C8orf34: variants seen among roughly 807,000 people sequenced by gnomAD.
C8orf34 encodes the protein chromosome 8 open reading frame 34, also known as uncharacterized protein C8orf34.
C8orf34 carries 65 observed loss-of-function variants against 68.3 expected under a neutral mutation model. That is an observed-to-expected ratio of 0.95 (90% CI 0.78 to 1.17). The LOEUF (loss-of-function observed/expected upper bound fraction) is 1.17, where lower values mean the gene tolerates loss of function less well. Among genes scored for constraint, C8orf34 ranks in the 50% most tolerant of loss-of-function variants. The pLI is 0.00. For synonymous variants in C8orf34, 244 were observed against 241.2 expected (o/e 1.01, Z -0.11); for missense variants, 664 against 655.4 (o/e 1.01, Z -0.14).
intron 5 of C8orf34, among the ~76,000 whole-genome samples, chr8:68,492,431 G>C (rs541491082): frequency 6.6e-6 from 1 of 151,774 alleles, no homozygotes; most frequent in Admixed American, 6.6e-5. Context: ...GTCTTACTAT[G>C]TTGCTCAAGC....
chr8:68,352,798 C>T (rs749852939), intron 1 of C8orf34, among the ~76,000 whole-genome samples: 5 of 152,008 alleles, frequency 3.3e-5, no homozygotes, highest in African/African-American at 4.8e-5. Flanking sequence ...AAAACATTTA[C>T]AAGGACATTA....
At chr8:68,371,007 A>G (rs1807536624) in intron 1 of C8orf34, among the ~76,000 whole-genome samples, 1 of 152,034 alleles carries the variant, frequency 6.6e-6, no homozygotes, top group African/African-American at 2.4e-5. Flanking sequence ...GTCTTAAGGG[A>G]AAGAGGTATC....
chr8:68,731,725 A>G (rs1280048300), intron 10 of C8orf34, among the ~76,000 whole-genome samples: 1 of 152,262 alleles, frequency 6.6e-6, no homozygotes, highest in Non-Finnish European at 1.5e-5. Context: ...GCATTATTGC[A>G]GCCTTATCTG....
chr8:68,599,736 A>T (rs1817644556), intron 7 of C8orf34, among the ~76,000 whole-genome samples: 1 of 152,074 alleles, frequency 6.6e-6, no homozygotes, highest in South Asian at 2.1e-4. Flanking sequence ...GAAAACAAAG[A>T]TTTATTAGAG....
At chr8:68,520,715 G>A (rs1242922234) in intron 5 of C8orf34, among the ~76,000 whole-genome samples, 2 of 151,220 alleles carry the variant, frequency 1.3e-5, no homozygotes, top group Non-Finnish European at 2.9e-5. Context: ...TGCACACCTC[G>A]GCCTCCCAAA....
At chr8:68,438,580 T>C (rs897501411) in intron 1 of C8orf34, 2 of 152,082 alleles carry the variant, frequency 1.3e-5, no homozygotes, top group African/African-American at 2.4e-5. Flanking sequence ...AAAACAGCAA[T>C]GAACAGACTA....
intron 1 of C8orf34, among the ~76,000 whole-genome samples, chr8:68,382,961 CAG>C (rs1808107090): frequency 6.6e-6 from 1 of 152,154 alleles, no homozygotes; most frequent in East Asian, 1.9e-4. Context: ...GTTCCTCAGA[CAG>C]GAGCTAGAAA....
chr8:68,406,614 G>A (rs1424549507), intron 1 of C8orf34, among the ~76,000 whole-genome samples: 1 of 151,984 alleles, frequency 6.6e-6, no homozygotes, highest in African/African-American at 2.4e-5. Flanking sequence ...TCGGGCCCCA[G>A]CCTTTCAAGT....
At chr8:68,788,943 C>G (rs922918410) in intron 12 of C8orf34, among the ~76,000 whole-genome samples, 1 of 151,930 alleles carries the variant, frequency 6.6e-6, no homozygotes, top group African/African-American at 2.4e-5. Context: ...TTTTGGAAGT[C>G]CCTTAATGCA....
chr8:68,613,420 T>C (rs1239937683), intron 7 of C8orf34, among the ~76,000 whole-genome samples: 1 of 151,098 alleles, frequency 6.6e-6, no homozygotes, highest in Non-Finnish European at 1.5e-5. Flanking sequence ...ATTAGGTATA[T>C]CTCCCAATTC....
intron 2 of C8orf34, among the ~76,000 whole-genome samples, chr8:68,443,132 A>G: frequency 6.6e-6 from 1 of 152,142 alleles, no homozygotes; most frequent in Non-Finnish European, 1.5e-5. Context: ...GAAGCTGCAG[A>G]GGAGGGAACG....
intron 7 of C8orf34, among the ~76,000 whole-genome samples, chr8:68,548,102 T>C (rs7826286): frequency 0.11 from 16,443 of 151,432 alleles, 1,331 homozygotes; most frequent in African/African-American, 0.22. Flanking sequence ...CCAGAGAAAA[T>C]GTATAATATA....
At chr8:68,397,751 T>G (rs1808778408) in intron 1 of C8orf34, among the ~76,000 whole-genome samples, 1 of 152,108 alleles carries the variant, frequency 6.6e-6, no homozygotes, top group South Asian at 2.1e-4. Context: ...CCTTTTGTCC[T>G]GTGAACTGAC....
At chr8:68,673,910 C>T (rs559107856) in intron 8 of C8orf34, among the ~76,000 whole-genome samples, 1 of 152,280 alleles carries the variant, frequency 6.6e-6, no homozygotes, top group African/African-American at 2.4e-5. Flanking sequence ...TACTCCTCCC[C>T]CAGCTCCAGG....
chr8:68,484,413 T>C (rs879541218), intron 4 of C8orf34, among the ~76,000 whole-genome samples: 7 of 152,204 alleles, frequency 4.6e-5, no homozygotes, highest in Admixed American at 2.0e-4. Context: ...CTTTAAGCTC[T>C]AGTTTGACTT....
At chr8:68,556,688 T>G (rs1373532126) in intron 7 of C8orf34, among the ~76,000 whole-genome samples, 3 of 152,132 alleles carry the variant, frequency 2.0e-5, no homozygotes, top group Non-Finnish European at 4.4e-5. Context: ...CCTCGGCCGA[T>G]GTACTCCCTG....
At chr8:68,602,482 A>G (rs1817727819) in intron 7 of C8orf34, among the ~76,000 whole-genome samples, 1 of 152,090 alleles carries the variant, frequency 6.6e-6, no homozygotes, top group Non-Finnish European at 1.5e-5. Flanking sequence ...AGCCCCTTAT[A>G]AAACCATCAG....
chr8:68,552,460 T>C (rs566243667), intron 7 of C8orf34, among the ~76,000 whole-genome samples: 2 of 152,306 alleles, frequency 1.3e-5, no homozygotes, highest in South Asian at 4.1e-4. Flanking sequence ...GTCAATGAAG[T>C]TGTTTCTTAA....
At chr8:68,523,584 G>A (rs552408609) in intron 6 of C8orf34, among the ~76,000 whole-genome samples, 1 of 152,206 alleles carries the variant, frequency 6.6e-6, no homozygotes, top group South Asian at 2.1e-4. Flanking sequence ...GTGAAATTCT[G>A]CCCAGGTGCC....
Sources: allele counts gnomAD v4.1 joint callset (sites outside exome capture counted in the v4.1 genomes callset), GRCh38; gene constraint gnomAD v4.1.1; transcripts MANE v1.5; gene names NCBI Gene and HGNC (gene_info 2026-07-23, HGNC 2026-07-21).